GPC6: variants seen among roughly 807,000 people sequenced by gnomAD.
The protein encoded by GPC6 is glypican-6.
A neutral mutation model predicts 55.2 loss-of-function variants in GPC6; 14 were observed. That is an observed-to-expected ratio of 0.25 (90% confidence interval 0.17 to 0.40). The LOEUF is 0.40. Among genes scored for constraint, GPC6 ranks in the 10% least tolerant of loss-of-function variants. The pLI is 1.00. For synonymous variants in GPC6, 278 were observed against 259.6 expected, an observed-to-expected ratio of 1.07 and a Z score of -0.68; for missense variants, 641 against 708.5, an observed-to-expected ratio of 0.90 and a Z score of 1.08.
intron 6 of GPC6, among the ~76,000 whole-genome samples, chr13:94,350,358 G>A (rs1425827077): frequency 6.6e-6 from 1 of 152,172 alleles, no homozygotes. Flanking sequence ...TTAGGCATCA[G>A]TATGTTTAAA....
intron 2 of GPC6, among the ~76,000 whole-genome samples, chr13:93,731,712 T>G (rs1312267508): frequency 2.6e-5 from 4 of 152,122 alleles, no homozygotes; most frequent in African/African-American, 9.7e-5. Context: ...ATTATAGATA[T>G]GGATGTGAGC....
chr13:94,045,003 T>C (rs1394720337), intron 4 of GPC6, among the ~76,000 whole-genome samples: 1 of 151,874 alleles, frequency 6.6e-6, no homozygotes, highest in East Asian at 1.9e-4. Flanking sequence ...GAGTGAGATA[T>C]ATATTTGTGA....
chr13:93,281,937 TTTTGAG>T (rs1372420913), intron 1 of GPC6, among the ~76,000 whole-genome samples: 3 of 152,206 alleles, frequency 2.0e-5, no homozygotes, highest in Non-Finnish European at 4.4e-5. Context: ...TCACATTTGC[TTTTGAG>T]TTTATTTCTT....
At chr13:93,825,834 T>A (rs531683174) in intron 2 of GPC6, among the ~76,000 whole-genome samples, 1 of 151,370 alleles carries the variant, frequency 6.6e-6, no homozygotes, top group East Asian at 1.9e-4. Context: ...TCAGCTTTCA[T>A]CTTTTATTTT....
intron 4 of GPC6, among the ~76,000 whole-genome samples, chr13:94,244,898 T>G (rs1195800587): frequency 6.6e-6 from 1 of 152,096 alleles, no homozygotes; most frequent in Non-Finnish European, 1.5e-5. Context: ...TTTTTAAATC[T>G]TATTTTGTAT....
At chr13:93,665,408 A>G (rs1183850171) in intron 2 of GPC6, among the ~76,000 whole-genome samples, 1 of 152,192 alleles carries the variant, frequency 6.6e-6, no homozygotes, top group African/African-American at 2.4e-5. Context: ...ATATATTAAT[A>G]TAGGTCTATA....
intron 1 of GPC6, among the ~76,000 whole-genome samples, chr13:93,292,112 A>G (rs1566283078): frequency 6.6e-6 from 1 of 152,220 alleles, no homozygotes; most frequent in Non-Finnish European, 1.5e-5. Flanking sequence ...AGGCAAATTC[A>G]TCATTGATAA....
At position 94,313,531 on chromosome 13, in the gene GPC6, G is replaced by C. The variant is rs116566221; in HGVS notation, c.1152+7408G>C. Among the ~76,000 whole-genome samples, 1,301 of 152,214 alleles carry C rather than the reference G, an allele frequency of 8.5e-3. 17 individuals are homozygous for C. The highest frequency in any genetic ancestry group is 0.03 in the African/African-American group (1,251 of 41,534). On this transcript the variant is annotated intron_variant, in intron 6 of 8. Coordinates refer to ENST00000377047, the MANE Select transcript of GPC6 (RefSeq NM_005708.5). ...TAATTGCACAGGGCTGTATACCCTG[G>C]GGAGAAGGAAGAGTACACTCACTCT...
intron 3 of GPC6, among the ~76,000 whole-genome samples, chr13:93,984,276 T>G (rs1185522585): frequency 6.6e-6 from 1 of 152,138 alleles, no homozygotes; most frequent in African/African-American, 2.4e-5. Context: ...TTTCTCTACA[T>G]GTTTTGACAT....
intron 4 of GPC6, among the ~76,000 whole-genome samples, chr13:94,175,337 T>C (rs1176841547): frequency 6.6e-6 from 1 of 152,190 alleles, no homozygotes; most frequent in Non-Finnish European, 1.5e-5. Flanking sequence ...GTGTCAATGA[T>C]TGAGTATAGC....
intron 7 of GPC6, among the ~76,000 whole-genome samples, chr13:94,387,542 T>G (rs989565966): frequency 2.0e-5 from 3 of 152,204 alleles, no homozygotes; most frequent in Non-Finnish European, 4.4e-5. Flanking sequence ...TTGGAGATCT[T>G]ATTAAAATGC....
At chr13:93,398,177 T>G (rs546543022) in intron 1 of GPC6, among the ~76,000 whole-genome samples, 1 of 152,274 alleles carries the variant, frequency 6.6e-6, no homozygotes, top group Admixed American at 6.5e-5. Flanking sequence ...GATAGCATAT[T>G]AATAGAACCA....
chr13:93,331,632 CTT>C (rs11299859), intron 1 of GPC6, among the ~76,000 whole-genome samples: 100 of 151,212 alleles, frequency 6.6e-4, no homozygotes, highest in African/African-American at 2.4e-3. Context: ...GTTTTTTCAT[CTT>C]TTTTTTTCTG....
In GPC6 at chr13:94,179,073, C is replaced by T. The variant is rs144632056; in HGVS notation, c.878-107276C>T. On this transcript the variant is annotated intron_variant, in intron 4 of 8. Coordinates refer to ENST00000377047, the MANE Select transcript of GPC6 (RefSeq NM_005708.5). ...CCTGTTTCAGGCTTTGAATCTGGCT[C>T]AGATCGTCTCGTTTCTGTGGAAACC... Among the ~76,000 whole-genome samples, 12 of 152,278 alleles carry T rather than the reference C, an allele frequency of 7.9e-5. No individual in the cohort carries two copies. In the East Asian group the frequency reaches 2.3e-3, roughly 29 times the overall value.
intron 1 of GPC6, among the ~76,000 whole-genome samples, chr13:93,339,202 C>T (rs1320639391): frequency 6.6e-6 from 1 of 152,160 alleles, no homozygotes; most frequent in African/African-American, 2.4e-5. Context: ...TGTTCCTCCT[C>T]TATCTGATGG....
chr13:93,593,274 G>C (rs955459725), intron 2 of GPC6, among the ~76,000 whole-genome samples: 45 of 152,162 alleles, frequency 3.0e-4, no homozygotes, highest in African/African-American at 9.9e-4. Context: ...TTACGAAAAT[G>C]GAAGCTAATC....
intron 4 of GPC6, among the ~76,000 whole-genome samples, chr13:94,135,948 C>G (rs1220749087): frequency 6.6e-6 from 1 of 152,124 alleles, no homozygotes; most frequent in Non-Finnish European, 1.5e-5. Context: ...TAAGCAGCTT[C>G]CAGGCAGAAG....
intron 3 of GPC6, among the ~76,000 whole-genome samples, chr13:93,965,170 G>C (rs1879983267): frequency 7.2e-6 from 1 of 139,496 alleles, no homozygotes; most frequent in Non-Finnish European, 1.5e-5. Context: ...AACCACGATT[G>C]GGAGGCTGAT....
At chr13:93,511,390 C>A (rs1880966474) in intron 1 of GPC6, among the ~76,000 whole-genome samples, 1 of 151,642 alleles carries the variant, frequency 6.6e-6, no homozygotes, top group African/African-American at 2.4e-5. Flanking sequence ...TAGTTTCATT[C>A]TTCTGTGTAT....
Sources: allele counts gnomAD v4.1 joint callset (sites outside exome capture counted in the v4.1 genomes callset), GRCh38; gene constraint gnomAD v4.1.1; transcripts MANE v1.5; gene names NCBI Gene and HGNC (gene_info 2026-07-23, HGNC 2026-07-21).